MACROH2A1: variants seen among roughly 807,000 people sequenced by gnomAD.
The protein encoded by MACROH2A1 is macroH2A.1 histone.
A neutral mutation model predicts 31.6 loss-of-function variants in MACROH2A1; 2 were observed. That is an observed-to-expected ratio of 0.06 (90% CI 0.03 to 0.20). The LOEUF (loss-of-function observed/expected upper bound fraction) is 0.20, where lower values mean the gene tolerates loss of function less well. MACROH2A1 is among the 10% of genes least tolerant of loss of function. The pLI is 1.00. For missense variants in MACROH2A1, 230 were observed against 474.0 expected (o/e 0.49, Z 4.78); for synonymous variants, 169 against 189.6 (o/e 0.89, Z 0.89).
At chr5:135,373,441 C>T (rs1011103792) in intron 2 of MACROH2A1, among the ~76,000 whole-genome samples, 5 of 152,086 alleles carry the variant, frequency 3.3e-5, no homozygotes, top group Admixed American at 2.0e-4. Context: ...GGACATTATC[C>T]CTGGCTTCGC....
chr5:135,379,134 C>T (rs1765301584), intron 2 of MACROH2A1, among the ~76,000 whole-genome samples: 1 of 152,176 alleles, frequency 6.6e-6, no homozygotes, highest in African/African-American at 2.4e-5. Context: ...TTCCAGAGGC[C>T]TTGGGTTTGT....
chr5:135,372,874 C>T (rs1371875289), intron 2 of MACROH2A1, among the ~76,000 whole-genome samples: 2 of 152,238 alleles, frequency 1.3e-5, no homozygotes, highest in Non-Finnish European at 1.5e-5. Flanking sequence ...CTCCCTTCCA[C>T]AACCTTCCCC....
intron 2 of MACROH2A1, among the ~76,000 whole-genome samples, chr5:135,370,693 T>G (rs1214878948): frequency 6.6e-6 from 1 of 152,194 alleles, no homozygotes; most frequent in Admixed American, 6.5e-5. Flanking sequence ...AAATACATTT[T>G]TTAAAGTGTG....
At chr5:135,378,135 C>T (rs543905282) in intron 2 of MACROH2A1, among the ~76,000 whole-genome samples, 1 of 152,296 alleles carries the variant, frequency 6.6e-6, no homozygotes, top group South Asian at 2.1e-4. Context: ...TCCCACTCTC[C>T]AGCCCTCCTC....
At chr5:135,367,307 T>G (rs1318124094) in intron 4 of MACROH2A1, among the ~76,000 whole-genome samples, 2 of 152,190 alleles carry the variant, frequency 1.3e-5, no homozygotes, top group Non-Finnish European at 2.9e-5. Context: ...AGCCAAATAC[T>G]GGTACAGTAA....
chr5:135,336,938 G>A (rs953980344), intron 8 of MACROH2A1, among the ~76,000 whole-genome samples: 5 of 152,212 alleles, frequency 3.3e-5, no homozygotes, highest in Non-Finnish European at 7.3e-5. Flanking sequence ...TGGGATCCTC[G>A]GTCCTGTTGC....
chr5:135,337,785 G>A (rs1302489687), intron 8 of MACROH2A1: 6 of 197,982 alleles, frequency 3.0e-5, no homozygotes. Flanking sequence ...GCCCACACCT[G>A]CCTACCGTCC....
chr5:135,346,087 C>A (rs1760792035), intron 6 of MACROH2A1, 30 bp from the exon 7 acceptor site: 1 of 1,378,058 alleles, frequency 7.3e-7, no homozygotes, highest in Non-Finnish European at 1.0e-6. Flanking sequence ...GGTCAGGTTG[C>A]CATTCTGTGT....
At position 135,370,148 on chromosome 5, in the gene MACROH2A1, G is replaced by T; in HGVS notation, c.173-6C>A. The stretch of plus-strand genomic sequence containing the variant: ...AGCCAGCTCCAGAATCTCCGCTGTG[G>T]GGAGCAGAGATGAGTGTATGGTCAT... On this transcript the variant is annotated splice_region_variant and splice_polypyrimidine_tract_variant and intron_variant, in intron 2 of 8. Coordinates refer to ENST00000511689, the MANE Select transcript of MACROH2A1 (RefSeq NM_138610.3). 1 of 1,586,034 alleles carries T rather than the reference G, an allele frequency of 6.3e-7. No individual in the cohort carries two copies. The highest frequency in any genetic ancestry group is 8.6e-7 in the Non-Finnish European group (1 of 1,156,596).
intron 8 of MACROH2A1, chr5:135,338,131 C>A: frequency 2.7e-6 from 1 of 370,374 alleles, no homozygotes; most frequent in Non-Finnish European, 3.9e-6. Flanking sequence ...CACACACAGC[C>A]CTGCAGCCTC....
intron 5 of MACROH2A1, chr5:135,358,211 G>A (rs1762411284): frequency 1.0e-6 from 1 of 985,352 alleles, no homozygotes; most frequent in Non-Finnish European, 1.2e-6. Context: ...AGAAAGTAAT[G>A]CTTCAAAATA....
chr5:135,349,963 G>C (rs1040992470), intron 6 of MACROH2A1, among the ~76,000 whole-genome samples: 2 of 152,172 alleles, frequency 1.3e-5, no homozygotes, highest in Admixed American at 1.3e-4. Context: ...GTGACAGTAG[G>C]ATTCCAGTTC....
In MACROH2A1 at chr5:135,369,497, G is replaced by A. The variant is rs1763926583; in HGVS notation, c.386C>T (p.Thr129Ile). The stretch of plus-strand genomic sequence containing the variant: ...CTTGGCCTTTTTGGCTGGGGGTGGT[G>A]TGATGATGGCTTCCAACTTTCCTTT... Reference protein sequence around the residue: ...GSKGKLEAIITPPPAKKAKSP... With the variant: ...GSKGKLEAIIIPPPAKKAKSP... Residue 129 changes from threonine to isoleucine, a missense_variant, in exon 4 of 9, where the codon ACA (threonine) becomes ATA (isoleucine). By Grantham distance (89) the Thr-to-Ile change is moderately conservative (BLOSUM62 -1). Transcript: ENST00000511689. This position sits in a 1 kb window ranked among gnomAD's most constrained non-coding sequence, Gnocchi z 4.3. The A allele has an allele frequency of 6.2e-7, 1 of 1,614,080 alleles. No homozygotes were observed. Among genetic ancestry groups the A allele is most frequent in the Non-Finnish European group, 8.5e-7 (1 of 1,180,030 alleles).
At chr5:135,354,379 A>T (rs1761930426) in intron 5 of MACROH2A1, 1 of 152,330 alleles carries the variant, frequency 6.6e-6, no homozygotes, top group Admixed American at 6.5e-5. Flanking sequence ...ACTAAGAGTC[A>T]TCCTCTGGGA....
intron 4 of MACROH2A1, among the ~76,000 whole-genome samples, chr5:135,367,309 G>T (rs1173559747): frequency 6.6e-6 from 1 of 152,136 alleles, no homozygotes; most frequent in Non-Finnish European, 1.5e-5. Context: ...CCAAATACTG[G>T]TACAGTAAGT....
chr5:135,350,740 C>A, intron 6 of MACROH2A1: 1 of 801,830 alleles, frequency 1.2e-6, no homozygotes, highest in Non-Finnish European at 2.2e-6. Context: ...TGCAGCCCTG[C>A]ATAGCTGTCA....
At chr5:135,364,588 G>T (rs1389243944) in intron 4 of MACROH2A1, among the ~76,000 whole-genome samples, 1 of 152,034 alleles carries the variant, frequency 6.6e-6, no homozygotes, top group East Asian at 1.9e-4. Context: ...TCCATGTATT[G>T]GACACTCGCC....
In MACROH2A1 at chr5:135,398,967, C is replaced by A. The variant is rs1372784295; in HGVS notation, c.-34+95G>T. On this transcript the variant is annotated intron_variant, in intron 1 of 8. Transcript: ENST00000511689. This position sits in a 1 kb window ranked among gnomAD's most constrained non-coding sequence, Gnocchi z 4.6. ...GGCCCGAGCCCGGCCCGCACCACACCGGTGCGCGCCAGGCCGGGCCGCTCC... is the reference window on the plus strand; with the variant it reads ...GGCCCGAGCCCGGCCCGCACCACACAGGTGCGCGCCAGGCCGGGCCGCTCC... 5 of 149,162 alleles carry A rather than the reference C, an allele frequency of 3.4e-5. No homozygotes were observed. In the East Asian group the frequency reaches 8.2e-4, roughly 25 times the overall value. The allele number at this position is 149,162 out of a possible 1,614,324, so 9.2% of individuals were successfully genotyped here.
At chr5:135,388,221 T>A (rs995175617) in intron 2 of MACROH2A1, among the ~76,000 whole-genome samples, 3 of 151,852 alleles carry the variant, frequency 2.0e-5, no homozygotes, top group African/African-American at 7.3e-5. Context: ...GGTAAGATCA[T>A]CAAGGGTTGC....
Sources: gnomAD v4.1 joint callset for allele counts (sites outside exome capture counted in the v4.1 genomes callset) on GRCh38, gnomAD v4.1.1 for gene constraint, Gnocchi (gnomAD v3.1) non-coding constraint, MANE v1.5 for transcripts, NCBI Gene and HGNC (gene_info 2026-07-23, HGNC 2026-07-21) for gene names.